ANXA2: variants seen among roughly 807,000 people sequenced by gnomAD.
The protein encoded by ANXA2 is annexin II.
ANXA2 carries 28 observed loss-of-function variants against 47.3 expected under a neutral mutation model. That is an observed-to-expected ratio of 0.59 (90% CI 0.44 to 0.81). ANXA2 has a LOEUF of 0.81. Among genes scored for constraint, ANXA2 ranks in the 40% least tolerant of loss-of-function variants. ANXA2 has a pLI of 0.00. For synonymous variants in ANXA2, 172 were observed against 155.5 expected, an observed-to-expected ratio of 1.11 and a Z score of -0.79; for missense variants, 384 against 414.3, an observed-to-expected ratio of 0.93 and a Z score of 0.64.
chr15:60,393,390 A>G, intron 1 of ANXA2: 1 of 1,010,156 alleles, frequency 9.9e-7, no homozygotes, highest in South Asian at 4.0e-5. Flanking sequence ...CTGCAACTCA[A>G]TTTCAGTGTT....
In ANXA2 at chr15:60,351,806, G is replaced by C; in HGVS notation, c.696C>G (p.Tyr232Ter). Reference sequence around the variant, plus strand: ...ACATGTCATAAGGGCTGTAACTCTTGTACCTATCAAATACTGAGGAAAAAC... The same window carrying C: ...ACATGTCATAAGGGCTGTAACTCTTCTACCTATCAAATACTGAGGAAAAAC... Reference protein sequence around the residue: ...VPHLQKVFDRYKSYSPYDMLE... With the variant: ...VPHLQKVFDR The change falls in exon 10 of 13, where the codon TAC (tyrosine) becomes TAG (stop). Residue 232 changes from tyrosine to a stop codon, truncating the protein, a stop_gained. Coordinates refer to ENST00000451270, the MANE Select transcript of ANXA2 (RefSeq NM_004039.3). LOFTEE classifies it high-confidence loss of function. The C allele has an allele frequency of 6.2e-7, 1 of 1,611,232 alleles. No individual in the cohort carries two copies. Among genetic ancestry groups the C allele is most frequent in the Non-Finnish European group, 8.5e-7 (1 of 1,177,414 alleles).
At chr15:60,359,740 C>T (rs964300594) in intron 5 of ANXA2, among the ~76,000 whole-genome samples, 3 of 152,168 alleles carry the variant, frequency 2.0e-5, no homozygotes, top group Non-Finnish European at 4.4e-5. Context: ...GCTTACAGCT[C>T]AGACTGTTCA....
At chr15:60,397,280 A>T (rs975098724) in intron 1 of ANXA2, 102 of 985,454 alleles carry the variant, frequency 1.0e-4, no homozygotes, top group Non-Finnish European at 1.2e-4. Flanking sequence ...AATGTGTTCA[A>T]CCAAGCGGGA....
intron 3 of ANXA2, among the ~76,000 whole-genome samples, chr15:60,380,309 G>A (rs777099033): frequency 1.1e-4 from 16 of 152,162 alleles, no homozygotes; most frequent in Non-Finnish European, 1.8e-4. Flanking sequence ...GCAAAGTTCC[G>A]TGTTTTCCCC....
intron 8 of ANXA2, among the ~76,000 whole-genome samples, chr15:60,353,655 T>C (rs2140785905): frequency 6.6e-6 from 1 of 152,258 alleles, no homozygotes; most frequent in South Asian, 2.1e-4. Context: ...TCCCACTGAG[T>C]GTGGGCTAGA....
At chr15:60,397,841 A>G (rs1169285758) in intron 1 of ANXA2, 102 bp downstream of exon 1, 3 of 1,376,480 alleles carry the variant, frequency 2.2e-6, no homozygotes, top group African/African-American at 1.5e-5. Context: ...CTCCGGGGCC[A>G]GTTGCCGGGG....
rs780578012 is a variant in ANXA2, at chr15:60,395,417, C to T, written c.-12+2526G>A. Among the ~76,000 whole-genome samples, 7 of 152,200 alleles carry T rather than the reference C, an allele frequency of 4.6e-5. No individual in the cohort carries two copies. The South Asian group carries it at 8.3e-4, about 18-fold the overall frequency. On this transcript the variant is annotated intron_variant, in intron 1 of 12. Coordinates refer to ENST00000451270, the MANE Select transcript of ANXA2 (RefSeq NM_004039.3). ...CCTGAGACTCCTTTTGTGACAATCC[C>T]GCTCTCCTTTAATGAAAAATGTCTC...
intron 1 of ANXA2, chr15:60,391,364 C>A (rs2063007761): frequency 6.6e-6 from 1 of 152,256 alleles, no homozygotes; most frequent in African/African-American, 2.4e-5. Flanking sequence ...GGGTGAATCA[C>A]CATGGGAGGT....
At chr15:60,389,904 G>A (rs2062984789) in intron 1 of ANXA2, among the ~76,000 whole-genome samples, 1 of 152,102 alleles carries the variant, frequency 6.6e-6, no homozygotes, top group South Asian at 2.1e-4. Flanking sequence ...TTCACTGCCA[G>A]GGCACTTTTT....
chr15:60,392,644 T>G (rs1394686917), intron 1 of ANXA2, among the ~76,000 whole-genome samples: 2 of 152,248 alleles, frequency 1.3e-5, no homozygotes, highest in African/African-American at 4.8e-5. Flanking sequence ...GCCCAAATGT[T>G]AATCTGAACA....
At chr15:60,384,119 A>G (rs1408480034) in intron 2 of ANXA2, 4 of 152,268 alleles carry the variant, frequency 2.6e-5, no homozygotes, top group Non-Finnish European at 5.9e-5. Context: ...TGGAGCACAC[A>G]TTCAGGAAAA....
rs569633533 is a variant in ANXA2 at position 60,390,372 on chromosome 15, T to C, written c.-11-4286A>G. On this transcript the variant is annotated intron_variant, in intron 1 of 12. Transcript: ENST00000451270. ...CATGCCGATAGCATTCCGGAAAACA[T>C]GGTGAACATTCCTAAAACCCACTGG... The C allele has an allele frequency of 2.8e-5, 21 of 741,316 alleles. No individual in the cohort carries two copies. In the South Asian group the frequency reaches 3.5e-4, roughly 12 times the overall value. The allele number at this position is 741,316 out of a possible 1,614,324, so 45.9% of individuals were successfully genotyped here.
intron 3 of ANXA2, among the ~76,000 whole-genome samples, chr15:60,380,750 G>A (rs1340625327): frequency 7.3e-6 from 1 of 136,872 alleles, no homozygotes; most frequent in African/African-American, 2.8e-5. Context: ...GTTGCAGTGA[G>A]CTGAGATGAT....
At chr15:60,366,788 G>A (rs1402979236) in intron 3 of ANXA2, among the ~76,000 whole-genome samples, 20 of 57,944 alleles carry the variant, frequency 3.5e-4, no homozygotes, top group South Asian at 1.4e-3. Context: ...CAGCCGCCCC[G>A]TCCGGGAGGG....
chr15:60,361,113 A>G (rs1185860900), intron 4 of ANXA2, 59 bp from the exon 5 acceptor site: 20 of 1,185,766 alleles, frequency 1.7e-5, no homozygotes, highest in Non-Finnish European at 2.3e-5. Context: ...ACTAGTGAGT[A>G]AAACAAAAGT....
chr15:60,362,765 C>T (rs565877031), intron 4 of ANXA2: 1 of 152,060 alleles, frequency 6.6e-6, no homozygotes, highest in African/African-American at 2.4e-5. Context: ...ATGAGCTGTC[C>T]CCAGCACACA....
rs1895776137 is a variant in ANXA2 at position 60,347,573 on chromosome 15, C to G, written c.*57G>C. On this transcript the variant is annotated 3_prime_UTR_variant, in exon 13 of 13. Transcript: ENST00000451270. ...GTTATTCGCAAGCTGGTTTTCTAGA[C>G]CTGTTAGCTGGAAGCATGGTGAGCA... The G allele has an allele frequency of 6.4e-7, 1 of 1,573,344 alleles. No individual in the cohort carries two copies. Among genetic ancestry groups the G allele is most frequent in the Non-Finnish European group, 8.7e-7 (1 of 1,143,440 alleles).
chr15:60,366,980 T>G (rs1412703259), intron 3 of ANXA2, among the ~76,000 whole-genome samples: 4 of 54,010 alleles, frequency 7.4e-5, no homozygotes, highest in Non-Finnish European at 1.4e-4. Context: ...GGTGGGGGGG[T>G]CAGCCCCCCG....
intron 3 of ANXA2, among the ~76,000 whole-genome samples, chr15:60,368,773 C>T (rs528211694): frequency 2.1e-4 from 32 of 151,872 alleles, no homozygotes; most frequent in African/African-American, 7.5e-4. Flanking sequence ...TTTTTTAATA[C>T]CCGGTGAGTG....
Sources: allele counts gnomAD v4.1 joint callset (sites outside exome capture counted in the v4.1 genomes callset), GRCh38; gene constraint gnomAD v4.1.1; transcripts MANE v1.5; gene names NCBI Gene and HGNC (gene_info 2026-07-23, HGNC 2026-07-21).